PKNOX2: variants seen among roughly 807,000 people sequenced by gnomAD.
The protein encoded by PKNOX2 is homeobox protein PKNOX2.
A neutral mutation model predicts 53.1 loss-of-function variants in PKNOX2; 14 were observed. The ratio of observed to expected loss-of-function variants is 0.26; its 90% CI spans 0.17 to 0.41. PKNOX2 has a LOEUF of 0.41. Among genes scored for constraint, PKNOX2 ranks in the 10% least tolerant of loss-of-function variants. PKNOX2 has a pLI of 1.00. For missense variants in PKNOX2, 496 were observed against 602.8 expected, an observed-to-expected ratio of 0.82 and a Z score of 1.85; for synonymous variants, 257 against 242.8, an observed-to-expected ratio of 1.06 and a Z score of -0.54.
At chr11:125,299,548 G>T (rs761917670) in intron 2 of PKNOX2, among the ~76,000 whole-genome samples, 16 of 152,092 alleles carry the variant, frequency 1.1e-4, no homozygotes, top group Non-Finnish European at 1.9e-4. Context: ...CACTGGCAGT[G>T]CCACTACTCC....
At chr11:125,341,767 C>T (rs893020307) in intron 3 of PKNOX2, among the ~76,000 whole-genome samples, 1 of 152,236 alleles carries the variant, frequency 6.6e-6, no homozygotes, top group Non-Finnish European at 1.5e-5. Flanking sequence ...GCAAAAGGCA[C>T]GAGAGCATCT....
chr11:125,189,153 T>G (rs78578627), intron 1 of PKNOX2, among the ~76,000 whole-genome samples: 495 of 151,828 alleles, frequency 3.3e-3, no homozygotes, highest in Non-Finnish European at 4.6e-3. Flanking sequence ...AAGAGGGGTA[T>G]AGGTGAATTA....
chr11:125,285,409 T>C (rs1946835111), intron 2 of PKNOX2, among the ~76,000 whole-genome samples: 1 of 152,204 alleles, frequency 6.6e-6, no homozygotes, highest in African/African-American at 2.4e-5. Flanking sequence ...CATAGAGTCT[T>C]GACAGTTAGG....
chr11:125,201,676 G>A (rs941760899), intron 1 of PKNOX2, among the ~76,000 whole-genome samples: 29 of 152,138 alleles, frequency 1.9e-4, no homozygotes, highest in Admixed American at 1.3e-3. Context: ...TTTTTCATCC[G>A]ACACCATCAG....
chr11:125,268,903 G>A (rs1046360226), intron 2 of PKNOX2, among the ~76,000 whole-genome samples: 9 of 134,512 alleles, frequency 6.7e-5, no homozygotes, highest in Non-Finnish European at 1.4e-4. Flanking sequence ...CCAGCAGCCC[G>A]ACAGCAATGG....
intron 2 of PKNOX2, among the ~76,000 whole-genome samples, chr11:125,327,548 CA>C (rs1274982278): frequency 6.6e-6 from 1 of 152,058 alleles, no homozygotes; most frequent in Admixed American, 6.5e-5. Flanking sequence ...TGCATGGTGA[CA>C]AAAAGGAGAT....
intron 2 of PKNOX2, among the ~76,000 whole-genome samples, chr11:125,241,447 A>G (rs1943141201): frequency 6.6e-6 from 1 of 152,156 alleles, no homozygotes; most frequent in African/African-American, 2.4e-5. Flanking sequence ...CCATCACAAG[A>G]CTCAAACACA....
intron 1 of PKNOX2, among the ~76,000 whole-genome samples, chr11:125,179,627 G>A (rs1255117995): frequency 2.6e-5 from 4 of 152,054 alleles, no homozygotes; most frequent in South Asian, 2.1e-4. Flanking sequence ...AGGAGCTTGC[G>A]AGAGAACCCC....
intron 2 of PKNOX2, among the ~76,000 whole-genome samples, chr11:125,310,567 C>G (rs60338985): frequency 0.046 from 6,941 of 151,898 alleles, 512 homozygotes; most frequent in African/African-American, 0.16. Flanking sequence ...ACAAGTAATG[C>G]CAAACTTACT....
chr11:125,353,743 T>C (rs1207274569), intron 4 of PKNOX2, among the ~76,000 whole-genome samples: 1 of 152,210 alleles, frequency 6.6e-6, no homozygotes, highest in Admixed American at 6.5e-5. Context: ...ATGAGTGAAA[T>C]GTCTGATGAG....
At chr11:125,197,664 C>G (rs1300814529) in intron 1 of PKNOX2, among the ~76,000 whole-genome samples, 1 of 152,162 alleles carries the variant, frequency 6.6e-6, no homozygotes, top group East Asian at 1.9e-4. Context: ...AAAACAACAA[C>G]AACAACAACA....
In PKNOX2 at chr11:125,208,585, G is replaced by A. The variant is rs920877107; in HGVS notation, c.-200-26460G>A. ...CAAGCATGTTGGTAATGGGACAGGAGAAAGTGAATATGAGAGACGTATGTG... is the reference window on the plus strand; with the variant it reads ...CAAGCATGTTGGTAATGGGACAGGAAAAAGTGAATATGAGAGACGTATGTG... On this transcript the variant is annotated intron_variant, in intron 1 of 12. Transcript: ENST00000298282. 1.8e-4 allele frequency among the ~76,000 whole-genome samples: 28 copies of A among 152,190 alleles called. 2 individuals are homozygous for A. Among genetic ancestry groups the A allele is most frequent in the Middle Eastern group, 3.4e-3 (1 of 294 alleles).
intron 2 of PKNOX2, among the ~76,000 whole-genome samples, chr11:125,272,094 C>T (rs1272570509): frequency 6.6e-6 from 1 of 152,178 alleles, no homozygotes; most frequent in Non-Finnish European, 1.5e-5. Flanking sequence ...TGGCCTCATG[C>T]CTACTCTCCT....
At chr11:125,255,459 G>C (rs1415486657) in intron 2 of PKNOX2, among the ~76,000 whole-genome samples, 1 of 152,132 alleles carries the variant, frequency 6.6e-6, no homozygotes, top group Non-Finnish European at 1.5e-5. Context: ...TGGCTCTTAT[G>C]GGAGCAACCT....
rs771096945 is a variant in PKNOX2 at position 125,431,133 on chromosome 11, C to G, written c.1193-33C>G. ...AGGTGCTGGCCCTGACCAGCAGCCC[C>G]TGCCTCGTCCTGACCCTTGCTTTCT... On this transcript the variant is annotated intron_variant, in intron 12 of 12. Transcript: ENST00000298282. 3.7e-6 allele frequency: 6 copies of G among 1,604,330 alleles called. No homozygotes were observed. In the East Asian group the frequency reaches 1.3e-4, roughly 36 times the overall value.
intron 10 of PKNOX2, among the ~76,000 whole-genome samples, chr11:125,417,624 C>T (rs1381594820): frequency 6.6e-6 from 1 of 152,056 alleles, no homozygotes; most frequent in Admixed American, 6.5e-5. Context: ...AATCTCTTAC[C>T]CACCACTTTG....
At chr11:125,313,600 C>T (rs1386213882) in intron 2 of PKNOX2, among the ~76,000 whole-genome samples, 1 of 152,172 alleles carries the variant, frequency 6.6e-6, no homozygotes, top group Non-Finnish European at 1.5e-5. Flanking sequence ...TGGAAAAGCA[C>T]ATGTACCCAG....
chr11:125,388,682 C>T (rs762747588), intron 6 of PKNOX2, among the ~76,000 whole-genome samples: 1 of 152,188 alleles, frequency 6.6e-6, no homozygotes, highest in East Asian at 1.9e-4. Flanking sequence ...CATTTGAACT[C>T]AAATCCTCCC....
intron 2 of PKNOX2, among the ~76,000 whole-genome samples, chr11:125,328,358 TGAGTGAGAGAGAGAGAGA>T (rs1949946702): frequency 7.6e-6 from 1 of 131,422 alleles, no homozygotes; most frequent in Admixed American, 7.3e-5. Flanking sequence ...AGAGAGAGAG[TGAGTGAGAGAGAGAGAGA>T]GAGTGAGTGA....
Sources: allele counts gnomAD v4.1 joint callset (sites outside exome capture counted in the v4.1 genomes callset), GRCh38; gene constraint gnomAD v4.1.1; transcripts MANE v1.5; gene names NCBI Gene and HGNC (gene_info 2026-07-23, HGNC 2026-07-21).